The following RIMBP2 variants were observed in gnomAD, a reference collection of about 807,000 sequenced individuals.
The protein encoded by RIMBP2 is RIMS binding protein 2.
A neutral mutation model predicts 118.6 loss-of-function variants in RIMBP2; 48 were observed. The observed-to-expected ratio is 0.40, with a 90% CI of 0.32 to 0.51. The LOEUF (loss-of-function observed/expected upper bound fraction) is 0.51, where lower values mean the gene tolerates loss of function less well. Ranked by LOEUF, RIMBP2 falls within the 20% of genes least tolerant of loss-of-function variation. The pLI is 0.41. For synonymous variants in RIMBP2, 762 were observed against 742.9 expected, an observed-to-expected ratio of 1.03 and a Z score of -0.42; for missense variants, 1,551 against 1,768.3, an observed-to-expected ratio of 0.88 and a Z score of 2.20.
rs1304456053 is a variant in RIMBP2, at chr12:130,419,955, ATAT to A, written c.3238+2495_3238+2497del. 6.6e-6 allele frequency: 1 copy of A among 152,220 alleles called. No homozygotes were observed. Among genetic ancestry groups the A allele is most frequent in the Non-Finnish European group, 1.5e-5 (1 of 68,036 alleles). 9.4% of individuals were successfully genotyped at this position (152,220 alleles called of 1,614,324 possible). A position where few individuals can be genotyped will look rare whatever the true frequency, so the allele number is the denominator to read the frequency against. ...GGAAATCCAGAAAATATTAAAATTT[ATAT>A]TATTTTTCATTGTAGGTCCACTGCT... On this transcript the variant is annotated intron_variant, in intron 17 of 22. Coordinates refer to ENST00000690449, the MANE Select transcript of RIMBP2 (RefSeq NM_001393629.1). This position sits in a 1 kb window ranked among gnomAD's most constrained non-coding sequence, Gnocchi z 4.3.
intron 4 of RIMBP2, among the ~76,000 whole-genome samples, chr12:130,490,354 T>C (rs1158179445): frequency 6.6e-6 from 1 of 152,164 alleles, no homozygotes; most frequent in Non-Finnish European, 1.5e-5. Context: ...AATGTTTTTG[T>C]TTACTTATCT....
At chr12:130,540,994 C>CT (rs2054550619) in intron 2 of RIMBP2, among the ~76,000 whole-genome samples, 1 of 152,072 alleles carries the variant, frequency 6.6e-6, no homozygotes, top group African/African-American at 2.4e-5. Context: ...ACCAGAGAGG[C>CT]TTGGAGGGCT....
At chr12:130,490,885 G>A (rs1415228146) in intron 4 of RIMBP2, among the ~76,000 whole-genome samples, 1 of 152,182 alleles carries the variant, frequency 6.6e-6, no homozygotes, top group African/African-American at 2.4e-5. Flanking sequence ...AGAGGGAGAT[G>A]TGGTCAGAGT....
chr12:130,610,101 A>G (rs967036352), intron 2 of RIMBP2, among the ~76,000 whole-genome samples: 2 of 150,768 alleles, frequency 1.3e-5, no homozygotes, highest in Non-Finnish European at 2.9e-5. Flanking sequence ...CACGGGGGGA[A>G]AATGGGAAGC....
chr12:130,693,162 C>T (rs1260387507), intron 1 of RIMBP2, among the ~76,000 whole-genome samples: 5 of 152,072 alleles, frequency 3.3e-5, no homozygotes, highest in African/African-American at 9.7e-5. Context: ...AGGAAACACT[C>T]GTCTGTCTCC....
At chr12:130,638,812 A>G (rs2062469126) in intron 1 of RIMBP2, among the ~76,000 whole-genome samples, 1 of 152,166 alleles carries the variant, frequency 6.6e-6, no homozygotes, top group South Asian at 2.1e-4. Context: ...CAGGGAGGGA[A>G]TAACAGGTAG....
chr12:130,704,620 A>G (rs1386892824), intron 1 of RIMBP2, among the ~76,000 whole-genome samples: 5 of 152,082 alleles, frequency 3.3e-5, no homozygotes, highest in African/African-American at 1.2e-4. Context: ...TTCTAAAGGG[A>G]AGTTTTTAAA....
intron 21 of RIMBP2, among the ~76,000 whole-genome samples, chr12:130,402,240 T>C (rs936230583): frequency 6.6e-6 from 1 of 152,214 alleles, no homozygotes; most frequent in South Asian, 2.1e-4. Context: ...TCAGAGGTCC[T>C]GTTCACACCC....
intron 2 of RIMBP2, among the ~76,000 whole-genome samples, chr12:130,626,812 C>A (rs940353095): frequency 6.6e-5 from 10 of 151,764 alleles, no homozygotes; most frequent in African/African-American, 2.4e-4. Context: ...AACACGACTA[C>A]CACCAGCATC....
Position 130,623,453 on chromosome 12 carries a change from G to A in RIMBP2, c.-217+4869C>T, listed in dbSNP as rs551251483. ...TAGAGGCACATTTGCACAGATTCTC[G>A]AGTAATGTACACAGGTAGCATGGAC... On this transcript the variant is annotated intron_variant, in intron 2 of 22. Transcript: ENST00000690449. The surrounding 1 kb of genome is among the most constrained non-coding windows in gnomAD (Gnocchi z 4.1). Among the ~76,000 whole-genome samples, 151 of 151,554 alleles carry A rather than the reference G, an allele frequency of 1.0e-3. No individual in the cohort carries two copies. The highest frequency in any genetic ancestry group is 1.6e-3 in the Non-Finnish European group (112 of 67,916).
intron 17 of RIMBP2, among the ~76,000 whole-genome samples, chr12:130,415,959 CCA>C (rs34091063): frequency 1.6e-4 from 13 of 81,440 alleles, no homozygotes; most frequent in East Asian, 4.1e-4. Flanking sequence ...TTGACAATAG[CCA>C]CACACACACA....
intron 2 of RIMBP2, among the ~76,000 whole-genome samples, chr12:130,580,153 A>G (rs1488894966): frequency 2.6e-5 from 4 of 151,424 alleles, no homozygotes; most frequent in Non-Finnish European, 5.9e-5. Flanking sequence ...AACCAAGATC[A>G]CACCACTGCC....
chr12:130,530,618 T>C lies in RIMBP2; in HGVS notation c.-216-12701A>G, dbSNP rs78835557. Among the ~76,000 whole-genome samples the C allele has an allele frequency of 6.2e-3, 952 of 152,342 alleles. 7 individuals carry two copies. Among genetic ancestry groups the C allele is most frequent in the African/African-American group, 0.022 (900 of 41,584 alleles). On this transcript the variant is annotated intron_variant, in intron 2 of 22. Coordinates refer to ENST00000690449, the MANE Select transcript of RIMBP2 (RefSeq NM_001393629.1). Reference sequence around the variant, plus strand: ...CTGCTAGTGCCTGAGGGAAAACCTATCAATTATAACTTTATTAACATGAAG... The same window carrying C: ...CTGCTAGTGCCTGAGGGAAAACCTACCAATTATAACTTTATTAACATGAAG...
chr12:130,536,474 C>T (rs577362647), intron 2 of RIMBP2, among the ~76,000 whole-genome samples: 10 of 152,222 alleles, frequency 6.6e-5, no homozygotes, highest in East Asian at 1.9e-4. Context: ...ATCCTTTATT[C>T]GCATCAAAAA....
intron 2 of RIMBP2, among the ~76,000 whole-genome samples, chr12:130,529,491 C>G (rs1426981503): frequency 6.6e-6 from 1 of 152,172 alleles, no homozygotes; most frequent in Non-Finnish European, 1.5e-5. Context: ...GGCTACCTGG[C>G]TGGTACAGGG....
intron 21 of RIMBP2, 143 bp from the exon 22 acceptor site, chr12:130,399,956 A>C: frequency 5.4e-6 from 5 of 932,928 alleles, no homozygotes; most frequent in Non-Finnish European, 7.8e-6. Flanking sequence ...AAAGGACTCT[A>C]AATCAGGGTT....
At chr12:130,399,936 G>T in intron 21 of RIMBP2, 123 bp from the exon 22 acceptor site, 2 of 1,140,556 alleles carry the variant, frequency 1.8e-6, no homozygotes, top group African/African-American at 1.5e-5. Flanking sequence ...TTCAAAAGTG[G>T]CAGGACTTGA....
chr12:130,514,970 G>A (rs1015001246), intron 3 of RIMBP2, among the ~76,000 whole-genome samples: 13 of 151,954 alleles, frequency 8.6e-5, no homozygotes, highest in East Asian at 1.9e-4. Context: ...TCTGCCTCCC[G>A]GGTTCATGCC....
chr12:130,417,651 A>G (rs1372147217), intron 17 of RIMBP2, among the ~76,000 whole-genome samples: 1 of 152,260 alleles, frequency 6.6e-6, no homozygotes, highest in East Asian at 1.9e-4. Flanking sequence ...TGATGGCATC[A>G]TTTGTAACCC....
Sources: allele counts gnomAD v4.1 joint callset (sites outside exome capture counted in the v4.1 genomes callset), GRCh38; gene constraint gnomAD v4.1.1; non-coding constraint Gnocchi (gnomAD v3.1); transcripts MANE v1.5; gene names NCBI Gene and HGNC (gene_info 2026-07-23, HGNC 2026-07-21).